TSGA10: variants seen among roughly 807,000 people sequenced by gnomAD.
TSGA10 encodes testis-specific gene 10 protein.
In TSGA10, 43 loss-of-function variants were observed where a neutral mutation model predicts 96.6. The ratio of observed to expected loss-of-function variants is 0.44; its 90% confidence interval spans 0.35 to 0.57. The LOEUF (loss-of-function observed/expected upper bound fraction) is 0.57. Ranked by LOEUF, TSGA10 falls within the 20% of genes least tolerant of loss-of-function variation. The probability of loss-of-function intolerance (pLI) is 0.01; values close to 1 mark genes in which losing one functional copy is unlikely to be tolerated. For missense variants in TSGA10, 703 were observed against 834.4 expected, an observed-to-expected ratio of 0.84 and a Z score of 1.94; for synonymous variants, 229 against 269.9, an observed-to-expected ratio of 0.85 and a Z score of 1.48.
chr2:99,116,708 C>T (rs2092287934), intron 4 of TSGA10, among the ~76,000 whole-genome samples: 1 of 151,388 alleles, frequency 6.6e-6, no homozygotes, highest in African/African-American at 2.4e-5. Context: ...AAAAGATTGG[C>T]AAATTTTCAA....
chr2:99,149,411 C>T (rs891118379), intron 1 of TSGA10, among the ~76,000 whole-genome samples: 1 of 151,788 alleles, frequency 6.6e-6, no homozygotes, highest in South Asian at 2.1e-4. Flanking sequence ...TGGGAAACTT[C>T]CCAAGGCCTC....
Position 99,081,310 on chromosome 2 carries a change from C to T in TSGA10, c.699G>A (p.Glu233=), listed in dbSNP as rs1263399121. Residue 233 remains glutamate, a synonymous_variant, in exon 11 of 21, where the codon GAG becomes GAA. Transcript: ENST00000393483. ...TTTTTTCATCCAAGCACATAATTTTCTCCTGAGTAAGCTGTAGCTCATATT... is the reference window on the plus strand; with the variant it reads ...TTTTTTCATCCAAGCACATAATTTTTTCCTGAGTAAGCTGTAGCTCATATT... ...KKKYELQLTQ[E]KIMCLDEKID... 3 of 1,581,994 alleles carry T rather than the reference C, an allele frequency of 1.9e-6. No homozygotes were observed. Among genetic ancestry groups the T allele is most frequent in the Non-Finnish European group, 2.6e-6 (3 of 1,165,764 alleles).
intron 1 of TSGA10, among the ~76,000 whole-genome samples, chr2:99,142,576 T>C (rs557842685): frequency 2.6e-5 from 4 of 152,370 alleles, no homozygotes; most frequent in African/African-American, 9.6e-5. Context: ...AGATATCATA[T>C]ACTTTGTAAG....
chr2:99,072,108 A>G (rs2086046776), intron 13 of TSGA10, among the ~76,000 whole-genome samples: 1 of 152,232 alleles, frequency 6.6e-6, no homozygotes, highest in Non-Finnish European at 1.5e-5. Context: ...GATTTGCCAA[A>G]TATTTCAAAA....
chr2:99,006,919 G>T lies in TSGA10; in HGVS notation c.2073-8698C>A, dbSNP rs199986419. Reference sequence around the variant, plus strand: ...ACAAATGTCCATCAATGATAGACTGGATTAAGAAAACGTGGCATATATACA... The same window carrying T: ...ACAAATGTCCATCAATGATAGACTGTATTAAGAAAACGTGGCATATATACA... On this transcript the variant is annotated intron_variant, in intron 20 of 20. Coordinates refer to ENST00000393483, the MANE Select transcript of TSGA10 (RefSeq NM_025244.4). Among the ~76,000 whole-genome samples, 5 of 152,296 alleles carry T rather than the reference G, an allele frequency of 3.3e-5. No homozygotes were observed. The East Asian group carries it at 9.6e-4, about 29-fold the overall frequency.
At chr2:99,113,684 T>C (rs941344806) in intron 4 of TSGA10, among the ~76,000 whole-genome samples, 1 of 152,172 alleles carries the variant, frequency 6.6e-6, no homozygotes, top group Admixed American at 6.5e-5. Flanking sequence ...TAGCTGGGAT[T>C]ACAGGTGCCC....
chr2:99,038,910 T>C (rs2105110947), intron 16 of TSGA10, among the ~76,000 whole-genome samples: 1 of 152,190 alleles, frequency 6.6e-6, no homozygotes, highest in Admixed American at 6.5e-5. Context: ...TCTCAATAAA[T>C]TTTTAAAAAT....
At chr2:99,153,038 A>T (rs560589209) in intron 1 of TSGA10, among the ~76,000 whole-genome samples, 8 of 152,352 alleles carry the variant, frequency 5.3e-5, no homozygotes, top group African/African-American at 1.9e-4. Flanking sequence ...TTTAGGGCTG[A>T]CTAGATCAGG....
rs192566677 is a variant in TSGA10 at position 99,102,919 on chromosome 2, G to A, written c.611+1048C>T. On this transcript the variant is annotated intron_variant, in intron 10 of 20. Coordinates refer to ENST00000393483, the MANE Select transcript of TSGA10 (RefSeq NM_025244.4). ...TTTATAAGATACTCTGTAATGTCAT[G>A]TTTGTACTTACAGTTTTAGAATTTA... Among the ~76,000 whole-genome samples the A allele has an allele frequency of 6.1e-4, 93 of 152,130 alleles. 4 individuals carry two copies. Among genetic ancestry groups the A allele is most frequent in the East Asian group, 4.6e-3 (24 of 5,176 alleles).
intron 10 of TSGA10, among the ~76,000 whole-genome samples, chr2:99,083,327 C>T (rs2087779805): frequency 6.6e-6 from 1 of 152,090 alleles, no homozygotes. Flanking sequence ...GTACAATTCA[C>T]AGAGCAACCA....
At chr2:99,091,221 G>A (rs535033584) in intron 10 of TSGA10, among the ~76,000 whole-genome samples, 4 of 152,278 alleles carry the variant, frequency 2.6e-5, no homozygotes, top group African/African-American at 7.2e-5. Flanking sequence ...AACAAATGCA[G>A]AGAGAATATA....
intron 14 of TSGA10, among the ~76,000 whole-genome samples, chr2:99,070,113 T>C (rs1320310145): frequency 1.3e-5 from 2 of 152,150 alleles, no homozygotes; most frequent in Admixed American, 6.5e-5. Context: ...CATATGTAAA[T>C]TGTTATGACA....
chr2:99,151,827 TA>T, intron 1 of TSGA10, among the ~76,000 whole-genome samples: 1 of 152,306 alleles, frequency 6.6e-6, no homozygotes, highest in African/African-American at 2.4e-5. Flanking sequence ...ACAACCTGTT[TA>T]AAAACCTTGT....
chr2:99,090,127 G>C (rs2089122884), intron 10 of TSGA10, among the ~76,000 whole-genome samples: 1 of 152,160 alleles, frequency 6.6e-6, no homozygotes, highest in African/African-American at 2.4e-5. Context: ...CCAGAACCTG[G>C]TAGACCCACT....
intron 16 of TSGA10, among the ~76,000 whole-genome samples, chr2:99,059,543 G>A (rs2084417799): frequency 6.6e-6 from 1 of 151,890 alleles, no homozygotes; most frequent in Non-Finnish European, 1.5e-5. Flanking sequence ...GGAGGCTGAG[G>A]CAGGAGAATT....
At chr2:99,052,654 C>T (rs899579116) in intron 16 of TSGA10, among the ~76,000 whole-genome samples, 4 of 151,776 alleles carry the variant, frequency 2.6e-5, no homozygotes, top group South Asian at 2.1e-4. Flanking sequence ...AGAAGAATGG[C>T]GTGAACCCAG....
In TSGA10 at chr2:99,065,104, C is replaced by A; in HGVS notation, c.1239G>T (p.Met413Ile). 6.2e-7 allele frequency: 1 copy of A among 1,611,972 alleles called. No individual in the cohort carries two copies. Among genetic ancestry groups the A allele is most frequent in the Non-Finnish European group, 8.5e-7 (1 of 1,179,484 alleles). ...LKSEESENRQ[M>I]MEQLRKANED... ...CATTGGCTTTTCGAAGTTGTTCCAT[C>A]ATTTGCCGGTTCTCAGATTCCTGAA... The change falls in exon 16 of 21, where the codon ATG (methionine) becomes ATT (isoleucine). Residue 413 changes from methionine (M) to isoleucine (I), a missense_variant. This residue lies in a region of TSGA10 where 585 missense variants were observed against 656.8 expected (regional missense o/e 0.89). Coordinates refer to ENST00000393483, the MANE Select transcript of TSGA10 (RefSeq NM_025244.4).
At chr2:99,006,672 T>G (rs979717510) in intron 20 of TSGA10, among the ~76,000 whole-genome samples, 2 of 152,116 alleles carry the variant, frequency 1.3e-5, no homozygotes, top group Non-Finnish European at 2.9e-5. Flanking sequence ...TGTGGAGAAA[T>G]AGGAACACTT....
intron 1 of TSGA10, among the ~76,000 whole-genome samples, chr2:99,136,121 ATTAT>A (rs1002262984): frequency 6.6e-6 from 1 of 152,094 alleles, no homozygotes; most frequent in East Asian, 1.9e-4. Flanking sequence ...CACTATATAT[ATTAT>A]TTACTATTAT....
Sources: allele counts gnomAD v4.1 joint callset (sites outside exome capture counted in the v4.1 genomes callset), GRCh38; gene constraint gnomAD v4.1.1; regional missense constraint gnomAD v4.1.1; transcripts MANE v1.5; gene names NCBI Gene and HGNC (gene_info 2026-07-23, HGNC 2026-07-21).